Variants in MROH2B observed in about 807,000 individuals in gnomAD.
MROH2B encodes maestro heat-like repeat-containing protein family member 2B.
A neutral mutation model predicts 208.6 loss-of-function variants in MROH2B; 177 were observed. That is an observed-to-expected ratio of 0.85 (90% CI 0.75 to 0.96). The LOEUF is 0.96. MROH2B is among the 40% of genes least tolerant of loss of function. The pLI, the probability that MROH2B is intolerant of heterozygous loss-of-function variation, is 0.00. For synonymous variants in MROH2B, 728 were observed against 659.0 expected, an observed-to-expected ratio of 1.10 and a Z score of -1.60; for missense variants, 2,002 against 1,878.7, an observed-to-expected ratio of 1.07 and a Z score of -1.21.
At chr5:41,028,673 T>C (rs1742462905) in intron 24 of MROH2B, among the ~76,000 whole-genome samples, 1 of 152,202 alleles carries the variant, frequency 6.6e-6, no homozygotes. Context: ...TATTCCATTG[T>C]GGGTATAAAT....
chr5:41,026,564 A>G (rs977945323), intron 24 of MROH2B, among the ~76,000 whole-genome samples: 2 of 152,248 alleles, frequency 1.3e-5, no homozygotes, highest in Non-Finnish European at 2.9e-5. Flanking sequence ...AGAACATTCC[A>G]TGCTCATGGA....
chr5:41,055,269 A>T (rs879754438), intron 10 of MROH2B, among the ~76,000 whole-genome samples: 2 of 152,184 alleles, frequency 1.3e-5, no homozygotes, highest in South Asian at 4.1e-4. Flanking sequence ...CCATTATTTC[A>T]TATTGCACCA....
intron 28 of MROH2B, among the ~76,000 whole-genome samples, chr5:41,017,437 T>A (rs1741991500): frequency 6.6e-6 from 1 of 152,200 alleles, no homozygotes; most frequent in Admixed American, 6.5e-5. Context: ...GAAGCATTGC[T>A]AATATGCCCA....
intron 9 of MROH2B, among the ~76,000 whole-genome samples, chr5:41,056,340 T>A (rs539097215): frequency 2.0e-5 from 3 of 151,630 alleles, no homozygotes; most frequent in Non-Finnish European, 4.4e-5. Flanking sequence ...GCATCAGGGG[T>A]AAGGTGAATT....
Position 41,012,827 on chromosome 5 carries a change from T to A in MROH2B, c.2983-92A>T, listed in dbSNP as rs150303835. ...TGCTGTTGTGGTTTGTTTTGGGTAT[T>A]AGAAACCACTGAACTTTTCAACAGT... On this transcript the variant is annotated intron_variant, in intron 29 of 41. Coordinates refer to ENST00000399564, the MANE Select transcript of MROH2B (RefSeq NM_173489.5). The A allele has an allele frequency of 1.1e-3, 1,681 of 1,484,792 alleles. 2 individuals carry two copies. Among genetic ancestry groups the A allele is most frequent in the Non-Finnish European group, 1.4e-3 (1,557 of 1,097,682 alleles). The allele number at this position is 1,484,792 out of a possible 1,614,324, so 92.0% of individuals were successfully genotyped here.
At chr5:41,036,504 G>A (rs893868264) in intron 21 of MROH2B, among the ~76,000 whole-genome samples, 6 of 152,052 alleles carry the variant, frequency 3.9e-5, no homozygotes, top group African/African-American at 1.4e-4. Context: ...GACGAATACA[G>A]TAAATATACC....
rs1476465203 is a variant in MROH2B, at chr5:41,033,051, C to G, written c.2351G>C (p.Gly784Ala). The G allele has an allele frequency of 6.2e-7, 1 of 1,612,968 alleles. No individual in the cohort carries two copies. The highest frequency in any genetic ancestry group is 1.7e-5 in the Admixed American group (1 of 59,846). Residue 784 changes from glycine to alanine, a missense_variant, in exon 23 of 42, where the codon GGT becomes GCT. By Grantham distance (60) the Gly-to-Ala change is moderately conservative. Transcript: ENST00000399564. ...TCTCTGCACACTCACCAGCATGTAA[C>G]CAATCAGCATCTCCTTGTAGGAAAA... The part of the protein sequence containing the change: ...FQFSYKEMLI[G>A]YMLDFIRDEP...
intron 18 of MROH2B, among the ~76,000 whole-genome samples, chr5:41,045,114 C>T (rs1040970066): frequency 1.3e-5 from 2 of 151,994 alleles, no homozygotes; most frequent in African/African-American, 4.8e-5. Context: ...TAGGTAGGGG[C>T]CATTTAGAGA....
At position 41,017,976 on chromosome 5, in the gene MROH2B, G is replaced by A. The variant is rs1181112542; in HGVS notation, c.2764-6C>T. On this transcript the variant is annotated splice_region_variant and splice_polypyrimidine_tract_variant and intron_variant, in intron 27 of 41. Transcript: ENST00000399564. ...ATTTTAAAGTTCTCTGGTGCCTGCA[G>A]GATAAAGGAGGCATCCTATTGTGAT... The A allele has an allele frequency of 6.4e-7, 1 of 1,570,108 alleles. No homozygotes were observed. The highest frequency in any genetic ancestry group is 2.3e-5 in the East Asian group (1 of 43,130).
At chr5:41,035,957 C>T (rs1315437299) in intron 21 of MROH2B, among the ~76,000 whole-genome samples, 1 of 152,024 alleles carries the variant, frequency 6.6e-6, no homozygotes, top group Non-Finnish European at 1.5e-5. Context: ...TAAAACAGAG[C>T]TACCATTCCA....
At chr5:41,017,711 G>A (rs1467443775) in intron 28 of MROH2B, 139 bp downstream of exon 28, 2 of 918,386 alleles carry the variant, frequency 2.2e-6, no homozygotes, top group Non-Finnish European at 1.5e-6. Flanking sequence ...GAGAGGAGAG[G>A]AGAAAAGGAG....
At chr5:41,052,937 T>C (rs1283003922) in intron 11 of MROH2B, among the ~76,000 whole-genome samples, 1 of 152,154 alleles carries the variant, frequency 6.6e-6, no homozygotes, top group East Asian at 1.9e-4. Flanking sequence ...TTGAAGCATT[T>C]CAGACTTCCT....
At position 41,004,873 on chromosome 5, in the gene MROH2B, C is replaced by A; in HGVS notation, c.3912G>T (p.Val1304=). Residue 1304 remains valine, a synonymous_variant, in exon 36 of 42, where the codon GTG becomes GTT. Transcript: ENST00000399564. ...AGGCACTTTGATCCATCAAGATCAG[C>A]ACATTTCGCAGATTCCCATGCTTCC... ...ILWKHGNLRN[V]LILMDQSAWD... The A allele has an allele frequency of 6.2e-7, 1 of 1,614,014 alleles. No homozygotes were observed. The highest frequency in any genetic ancestry group is 1.3e-5 in the African/African-American group (1 of 75,068).
Position 41,004,927 on chromosome 5 carries a change from T to TA in MROH2B, c.3865-8dup, listed in dbSNP as rs779176424. ...GGATTGGTTCCTTCATGAGCTGAAA[T>TA]AATCAACACACTCCTCCCGTTTAGT... On this transcript the variant is annotated splice_polypyrimidine_tract_variant and splice_region_variant and intron_variant, in intron 35 of 41. Coordinates refer to ENST00000399564, the MANE Select transcript of MROH2B (RefSeq NM_173489.5). 9 of 1,613,350 alleles carry TA rather than the reference T, an allele frequency of 5.6e-6. No individual in the cohort carries two copies. In the South Asian group the frequency reaches 8.8e-5, roughly 16 times the overall value.
In MROH2B at chr5:41,054,104, T is replaced by C. The variant is rs1743370564; in HGVS notation, c.1107+663A>G. ...AAGTGATTCTTGTGCCTCAGCCTCATGAGTAGCTGGGATTACAGGTGTGAG... is the reference window on the plus strand; with the variant it reads ...AAGTGATTCTTGTGCCTCAGCCTCACGAGTAGCTGGGATTACAGGTGTGAG... On this transcript the variant is annotated intron_variant, in intron 11 of 41. Coordinates refer to ENST00000399564, the MANE Select transcript of MROH2B (RefSeq NM_173489.5). 1.3e-5 allele frequency among the ~76,000 whole-genome samples: 2 copies of C among 152,058 alleles called. 1 individual carries two copies. Among genetic ancestry groups the C allele is most frequent in the South Asian group, 4.2e-4 (2 of 4,818 alleles).
intron 24 of MROH2B, among the ~76,000 whole-genome samples, chr5:41,028,491 CA>C (rs1742457110): frequency 6.6e-6 from 1 of 152,068 alleles, no homozygotes; most frequent in African/African-American, 2.4e-5. Flanking sequence ...AAACAGTAGC[CA>C]CTGTTTTTTA....
In MROH2B at chr5:41,017,964, C is replaced by T. The variant is rs1212470131; in HGVS notation, c.2770G>A (p.Glu924Lys). Reference protein sequence around the residue: ...KVLTNDIEAPENFKIGSLLGL... With the variant: ...KVLTNDIEAPKNFKIGSLLGL... ...AGCAGTGAACCAATTTTAAAGTTCT[C>T]TGGTGCCTGCAGGATAAAGGAGGCA... Residue 924 changes from glutamate (E) to lysine (K), a missense_variant, in exon 28 of 42, where the codon GAG (glutamate) becomes AAG (lysine). Physicochemically the swap from Glu to Lys is moderately conservative, Grantham distance 56. Coordinates refer to ENST00000399564, the MANE Select transcript of MROH2B (RefSeq NM_173489.5). The T allele has an allele frequency of 1.9e-6, 3 of 1,573,122 alleles. No individual in the cohort carries two copies. Among genetic ancestry groups the T allele is most frequent in the African/African-American group, 2.7e-5 (2 of 74,320 alleles).
intron 24 of MROH2B, among the ~76,000 whole-genome samples, chr5:41,031,564 G>A (rs939570827): frequency 7.9e-5 from 12 of 152,084 alleles, no homozygotes; most frequent in Admixed American, 5.9e-4. Context: ...TCTTTACAGA[G>A]GACTTCTATT....
At chr5:41,032,637 GT>G in intron 24 of MROH2B, 104 bp downstream of exon 24, 1 of 895,224 alleles carries the variant, frequency 1.1e-6, no homozygotes, top group South Asian at 1.5e-5. Flanking sequence ...ACTGTGTTCA[GT>G]TTTGGGAGTG....
Sources: allele counts gnomAD v4.1 joint callset (sites outside exome capture counted in the v4.1 genomes callset), GRCh38; gene constraint gnomAD v4.1.1; transcripts MANE v1.5; gene names NCBI Gene and HGNC (gene_info 2026-07-23, HGNC 2026-07-21).